The following CSMD1 variants were observed in gnomAD, a reference collection of about 807,000 sequenced individuals.
CSMD1 encodes the protein CUB and Sushi multiple domains 1, also known as CUB and sushi domain-containing protein 1.
In CSMD1, 213 loss-of-function variants were observed where a neutral mutation model predicts 417.5. The ratio of observed to expected loss-of-function variants is 0.51; its 90% CI spans 0.46 to 0.57. The LOEUF (loss-of-function observed/expected upper bound fraction) is 0.57, where lower values mean the gene tolerates loss of function less well. Among genes scored for constraint, CSMD1 ranks in the 20% least tolerant of loss-of-function variants. CSMD1 has a pLI of 0.00. For missense variants in CSMD1, 6,923 were observed against 4,529.7 expected, an observed-to-expected ratio of 1.53 and a Z score of -15.17; for synonymous variants, 2,862 against 1,736.8, an observed-to-expected ratio of 1.65 and a Z score of -16.11.
At chr8:3,471,980 G>A (rs1264361490) in intron 11 of CSMD1, among the ~76,000 whole-genome samples, 1 of 152,046 alleles carries the variant, frequency 6.6e-6, no homozygotes, top group Admixed American at 6.5e-5. Flanking sequence ...GGTGATGTCA[G>A]CACCCTACTC....
intron 5 of CSMD1, among the ~76,000 whole-genome samples, chr8:3,901,127 C>G (rs935089167): frequency 6.6e-6 from 1 of 152,096 alleles, no homozygotes; most frequent in Non-Finnish European, 1.5e-5. Flanking sequence ...GGGGGAGGGT[C>G]ATGAATGTAC....
At chr8:3,306,140 T>C (rs1037412922) in intron 25 of CSMD1, among the ~76,000 whole-genome samples, 2 of 152,142 alleles carry the variant, frequency 1.3e-5, no homozygotes, top group Non-Finnish European at 2.9e-5. Flanking sequence ...TCATCCCATT[T>C]TATTTTTGTT....
chr8:3,820,285 A>G (rs1241237498), intron 5 of CSMD1, among the ~76,000 whole-genome samples: 1 of 152,166 alleles, frequency 6.6e-6, no homozygotes, highest in East Asian at 1.9e-4. Flanking sequence ...TATGTGTAGG[A>G]TATGTGAGCT....
At chr8:4,164,765 A>T (rs1194661700) in intron 3 of CSMD1, among the ~76,000 whole-genome samples, 1 of 151,988 alleles carries the variant, frequency 6.6e-6, no homozygotes, top group Non-Finnish European at 1.5e-5. Flanking sequence ...AGTCCTAGCT[A>T]CCTGGGAGGC....
intron 10 of CSMD1, among the ~76,000 whole-genome samples, chr8:3,554,887 T>A (rs1420830231): frequency 6.6e-6 from 1 of 151,802 alleles, no homozygotes. Flanking sequence ...GTGGTGAGAG[T>A]GTCACTGAAA....
At position 3,732,515 on chromosome 8, in the gene CSMD1, T is replaced by C. The variant is rs578106014; in HGVS notation, c.931+21415A>G. ...AAGCTCAATAGCTATAAGAGGAAAA[T>C]ATTTGCTGAGACTCTGTATAATTTC... is the stretch of plus-strand genomic sequence containing the variant. On this transcript the variant is annotated intron_variant, in intron 6 of 69. Transcript: ENST00000635120. Among the ~76,000 whole-genome samples, 11 of 150,198 alleles carry C rather than the reference T, an allele frequency of 7.3e-5. No homozygotes were observed. The South Asian group carries it at 2.3e-3, about 31-fold the overall frequency.
chr8:4,569,032 G>C (rs1033771761), intron 2 of CSMD1, among the ~76,000 whole-genome samples: 2 of 152,156 alleles, frequency 1.3e-5, no homozygotes, highest in South Asian at 2.1e-4. Context: ...TTGTCAGATG[G>C]ATAGATTGAC....
chr8:3,142,010 G>C (rs145452903), intron 41 of CSMD1, among the ~76,000 whole-genome samples: 7,100 of 152,056 alleles, frequency 0.047, 563 homozygotes, highest in African/African-American at 0.16. Flanking sequence ...TGTTAGCCAG[G>C]ATGGTCTCGA....
chr8:3,254,355 A>T (rs555889170), intron 26 of CSMD1, among the ~76,000 whole-genome samples: 6 of 152,100 alleles, frequency 3.9e-5, no homozygotes, highest in East Asian at 1.9e-4. Flanking sequence ...TATGTGTCTT[A>T]GAGTTACTCT....
chr8:3,407,734 T>G (rs79433179), intron 14 of CSMD1, among the ~76,000 whole-genome samples, 165 bp downstream of exon 14: 1 of 152,306 alleles, frequency 6.6e-6, no homozygotes, highest in Non-Finnish European at 1.5e-5. Flanking sequence ...CATTTGTTTT[T>G]AAGTTTTCAG....
chr8:4,464,575 C>A (rs944968055), intron 2 of CSMD1, among the ~76,000 whole-genome samples: 1 of 152,060 alleles, frequency 6.6e-6, no homozygotes, highest in African/African-American at 2.4e-5. Context: ...GGGTACTCAA[C>A]GGGTGGTTTC....
At chr8:2,947,273 T>G (rs997567987) in intron 68 of CSMD1, among the ~76,000 whole-genome samples, 3 of 152,230 alleles carry the variant, frequency 2.0e-5, no homozygotes, top group African/African-American at 7.2e-5. Flanking sequence ...TAATTTTATT[T>G]TAGTATCCAC....
intron 4 of CSMD1, among the ~76,000 whole-genome samples, chr8:4,018,766 A>G (rs899605290): frequency 2.6e-5 from 4 of 152,352 alleles, no homozygotes; most frequent in Admixed American, 2.6e-4. Context: ...GCCGTGGCAC[A>G]GACTCTGTAG....
At chr8:3,825,473 G>T (rs1158989550) in intron 5 of CSMD1, among the ~76,000 whole-genome samples, 2 of 152,124 alleles carry the variant, frequency 1.3e-5, no homozygotes, top group Non-Finnish European at 2.9e-5. Flanking sequence ...AAGTTGCAGT[G>T]AGCCAAGATA....
intron 2 of CSMD1, among the ~76,000 whole-genome samples, chr8:4,422,623 C>A (rs1370638117): frequency 6.6e-6 from 1 of 152,042 alleles, no homozygotes; most frequent in Admixed American, 6.6e-5. Context: ...GACTCCAGAA[C>A]TGTGAAAAAA....
chr8:4,419,280 T>G (rs1002397112), intron 3 of CSMD1, among the ~76,000 whole-genome samples: 2 of 152,138 alleles, frequency 1.3e-5, no homozygotes, highest in African/African-American at 4.8e-5. Context: ...AAAACAAAAG[T>G]AGACACACAT....
chr8:3,000,368 A>G (rs1223982773), intron 52 of CSMD1, among the ~76,000 whole-genome samples: 4 of 151,330 alleles, frequency 2.6e-5, no homozygotes, highest in African/African-American at 9.7e-5. Context: ...GTATTTTCCT[A>G]GTTGTGATTT....
intron 52 of CSMD1, among the ~76,000 whole-genome samples, chr8:3,017,315 A>C (rs1328169627): frequency 6.6e-6 from 1 of 152,164 alleles, no homozygotes; most frequent in East Asian, 1.9e-4. Flanking sequence ...CAATTTCAGA[A>C]GGATATTTAG....
intron 1 of CSMD1, among the ~76,000 whole-genome samples, chr8:4,810,953 G>A (rs1325616810): frequency 6.6e-6 from 1 of 152,144 alleles, no homozygotes; most frequent in African/African-American, 2.4e-5. Flanking sequence ...ATAAAATAGT[G>A]ATGATATTAA....
Sources: allele counts gnomAD v4.1 joint callset (sites outside exome capture counted in the v4.1 genomes callset), GRCh38; gene constraint gnomAD v4.1.1; transcripts MANE v1.5; gene names NCBI Gene and HGNC (gene_info 2026-07-23, HGNC 2026-07-21).